Variants in FRAS1 observed in about 807,000 individuals in gnomAD.
FRAS1 encodes the protein Fraser extracellular matrix complex subunit 1.
A neutral mutation model predicts 435.2 loss-of-function variants in FRAS1; 290 were observed. The ratio of observed to expected loss-of-function variants is 0.67; its 90% CI spans 0.61 to 0.73. The LOEUF (loss-of-function observed/expected upper bound fraction) is 0.73, where lower values mean the gene tolerates loss of function less well. Among genes scored for constraint, FRAS1 ranks in the 30% least tolerant of loss-of-function variants. FRAS1 has a pLI of 0.00. For synonymous variants in FRAS1, 1,800 were observed against 1,851.0 expected (o/e 0.97, Z 0.71); for missense variants, 4,860 against 5,001.5 (o/e 0.97, Z 0.85).
At chr4:78,498,534 CTG>C (rs1720578763) in intron 60 of FRAS1, among the ~76,000 whole-genome samples, 1 of 150,800 alleles carries the variant, frequency 6.6e-6, no homozygotes, top group African/African-American at 2.4e-5. Flanking sequence ...AAGATTTATG[CTG>C]TGCTGCAGTG....
chr4:78,165,460 C>G (rs944456567), intron 2 of FRAS1, among the ~76,000 whole-genome samples: 2 of 152,184 alleles, frequency 1.3e-5, no homozygotes, highest in African/African-American at 4.8e-5. Flanking sequence ...TTAAGAGTAT[C>G]TAGTTTTATC....
chr4:78,085,783 T>G (rs1361039437), intron 2 of FRAS1, among the ~76,000 whole-genome samples: 4 of 152,122 alleles, frequency 2.6e-5, no homozygotes, highest in East Asian at 1.9e-4. Flanking sequence ...AGCAAGTCCT[T>G]AGTGACATAC....
intron 69 of FRAS1, 137 bp from the exon 70 acceptor site, chr4:78,526,404 T>C: frequency 1.7e-6 from 1 of 579,520 alleles, no homozygotes; most frequent in Non-Finnish European, 3.1e-6. Context: ...AAAATGGTGT[T>C]TGCAGACTTG....
intron 23 of FRAS1, among the ~76,000 whole-genome samples, chr4:78,370,658 C>T (rs895957457): frequency 3.3e-5 from 5 of 152,168 alleles, no homozygotes; most frequent in Admixed American, 1.3e-4. Context: ...GGTCAGGAGT[C>T]GTGTCTGATG....
At chr4:78,267,055 C>A in intron 8 of FRAS1, 120 bp downstream of exon 8, 1 of 919,288 alleles carries the variant, frequency 1.1e-6, no homozygotes, top group Non-Finnish European at 1.7e-6. Context: ...TGCAAAGTTA[C>A]ATAAAGATAT....
At chr4:78,131,425 A>G (rs1225718399) in intron 2 of FRAS1, among the ~76,000 whole-genome samples, 1 of 152,200 alleles carries the variant, frequency 6.6e-6, no homozygotes, top group Non-Finnish European at 1.5e-5. Flanking sequence ...ATTCTCACCC[A>G]TAACTATAGA....
chr4:78,057,916 C>A lies in FRAS1; in HGVS notation c.-94C>A, dbSNP rs972576844. The A allele has an allele frequency of 2.5e-6, 3 of 1,183,744 alleles. No homozygotes were observed. The highest frequency in any genetic ancestry group is 1.8e-5 in the Admixed American group (1 of 55,134). The allele number at this position is 1,183,744 out of a possible 1,614,324, so 73.3% of individuals were successfully genotyped here. A position where few individuals can be genotyped will look rare whatever the true frequency, so the allele number is the denominator to read the frequency against. On this transcript the variant is annotated 5_prime_UTR_variant, in exon 1 of 74. Transcript: ENST00000512123. This position sits in a 1 kb window ranked among gnomAD's most constrained non-coding sequence, Gnocchi z 4.2. Reference sequence around the variant, plus strand: ...GGCCCGCGGTCCCCCACCTTCAGTGCGCCCGGGTTCCAAGCGCCGGAGCCA... The same window carrying A: ...GGCCCGCGGTCCCCCACCTTCAGTGAGCCCGGGTTCCAAGCGCCGGAGCCA...
chr4:78,280,477 A>G (rs1727280211), intron 10 of FRAS1, among the ~76,000 whole-genome samples: 1 of 151,926 alleles, frequency 6.6e-6, no homozygotes, highest in Non-Finnish European at 1.5e-5. Flanking sequence ...TCCATTTAGT[A>G]TTTTCCCAAC....
chr4:78,376,756 C>G (rs1156724620), intron 26 of FRAS1, among the ~76,000 whole-genome samples: 1 of 151,980 alleles, frequency 6.6e-6, no homozygotes. Flanking sequence ...ATTGGGAGGC[C>G]GAGGCAGGCA....
chr4:78,286,620 C>T, intron 14 of FRAS1, 81 bp downstream of exon 14: 5 of 1,465,280 alleles, frequency 3.4e-6, no homozygotes, highest in Non-Finnish European at 4.6e-6. Flanking sequence ...TCTGGGGACA[C>T]CAGGAGCTGG....
intron 17 of FRAS1, 131 bp from the exon 18 acceptor site, chr4:78,318,679 A>C: frequency 1.2e-6 from 1 of 862,586 alleles, no homozygotes; most frequent in East Asian, 2.7e-5. Context: ...TGCTTTGTAT[A>C]GAACATTAGA....
intron 4 of FRAS1, among the ~76,000 whole-genome samples, chr4:78,250,326 C>T (rs1725476218): frequency 1.3e-5 from 2 of 152,068 alleles, no homozygotes; most frequent in Non-Finnish European, 2.9e-5. Context: ...TGGAATTATG[C>T]TGTGTTTTAT....
At chr4:78,457,588 T>C (rs1719242024) in intron 47 of FRAS1, among the ~76,000 whole-genome samples, 1 of 152,230 alleles carries the variant, frequency 6.6e-6, no homozygotes, top group African/African-American at 2.4e-5. Flanking sequence ...AAGAGCTTTA[T>C]CCTCATCAAA....
chr4:78,110,342 T>A lies in FRAS1; in HGVS notation c.108+44326T>A, dbSNP rs1425636587. Among the ~76,000 whole-genome samples the A allele has an allele frequency of 2.3e-5, 3 of 127,692 alleles. No individual in the cohort carries two copies. In the East Asian group the frequency reaches 6.2e-4, roughly 26 times the overall value. The allele number at this position is 127,692 out of a possible 152,430, so 83.8% of individuals were successfully genotyped here. ...AGCTGGAGGCATCACACTACCTGAGTTCAAACTATAATACAAGGCTACAGT... is the reference window on the plus strand; with the variant it reads ...AGCTGGAGGCATCACACTACCTGAGATCAAACTATAATACAAGGCTACAGT... On this transcript the variant is annotated intron_variant, in intron 2 of 73. Transcript: ENST00000512123.
chr4:78,374,120 GCTA>G lies in FRAS1; in HGVS notation c.3023_3025del (p.Tyr1008del), dbSNP rs1560688835. 6.3e-7 allele frequency: 1 copy of G among 1,581,306 alleles called. No individual in the cohort carries two copies. The highest frequency in any genetic ancestry group is 2.3e-5 in the East Asian group (1 of 44,238). Reference sequence around the variant, plus strand: ...GACTTTTGTCTTTCAGACTGTGACAGCTACTGTCTCCAGTGCCAAGGTCCCCAT... The same window carrying G: ...GACTTTTGTCTTTCAGACTGTGACAGCTGTCTCCAGTGCCAAGGTCCCCAT... On this transcript the variant is annotated inframe_deletion, in exon 25 of 74. Transcript: ENST00000512123.
intron 20 of FRAS1, among the ~76,000 whole-genome samples, chr4:78,345,339 G>T (rs1223247673): frequency 6.6e-6 from 1 of 152,180 alleles, no homozygotes; most frequent in Non-Finnish European, 1.5e-5. Context: ...CTAGCACTTG[G>T]ATGGTCCTCA....
intron 9 of FRAS1, among the ~76,000 whole-genome samples, chr4:78,270,548 C>A (rs1022435143): frequency 7.2e-6 from 1 of 138,648 alleles, no homozygotes; most frequent in Non-Finnish European, 1.6e-5. Context: ...CGCCACCCCG[C>A]CCCCCCGCCA....
chr4:78,417,318 T>A (rs1005994958), intron 32 of FRAS1, among the ~76,000 whole-genome samples: 1 of 152,192 alleles, frequency 6.6e-6, no homozygotes, highest in African/African-American at 2.4e-5. Context: ...CATCTAGATT[T>A]TCAGAATATC....
rs73827968 is a variant in FRAS1, at chr4:78,315,796, G to C, written c.1819+62G>C. On this transcript the variant is annotated intron_variant, in intron 16 of 73. Transcript: ENST00000512123. ...ATTGAGTACATGTTTGACTATACTT[G>C]GTGTTATATGTTGCTAATTTGGGAA... 2.7e-3 allele frequency: 4,272 copies of C among 1,569,514 alleles called. 100 individuals carry two copies. The African/African-American group carries it at 0.047, about 17-fold the overall frequency.
Sources: allele counts gnomAD v4.1 joint callset (sites outside exome capture counted in the v4.1 genomes callset), GRCh38; gene constraint gnomAD v4.1.1; non-coding constraint Gnocchi (gnomAD v3.1); transcripts MANE v1.5; gene names NCBI Gene and HGNC (gene_info 2026-07-23, HGNC 2026-07-21).